PRKN: variants seen among roughly 807,000 people sequenced by gnomAD.
PRKN encodes E3 ubiquitin-protein ligase parkin.
PRKN carries 56 observed loss-of-function variants against 59.5 expected under a neutral mutation model. The observed-to-expected ratio is 0.94, with a 90% CI of 0.76 to 1.18. The LOEUF is 1.18. PRKN is among the 50% of genes most tolerant of loss of function. The pLI is 0.00. For synonymous variants in PRKN, 250 were observed against 222.1 expected (o/e 1.13, Z -1.12); for missense variants, 657 against 596.4 (o/e 1.10, Z -1.06).
At chr6:162,126,705 G>A (rs1781140939) in intron 4 of PRKN, among the ~76,000 whole-genome samples, 1 of 152,160 alleles carries the variant, frequency 6.6e-6, no homozygotes, top group South Asian at 2.1e-4. Flanking sequence ...TCCACCTTGA[G>A]TTAAAATTAG....
chr6:162,204,874 C>G (rs868158111), intron 3 of PRKN, among the ~76,000 whole-genome samples: 1 of 142,368 alleles, frequency 7.0e-6, no homozygotes, highest in South Asian at 2.3e-4. Flanking sequence ...TTTCTTTTTT[C>G]TTTTTTGAGA....
intron 1 of PRKN, among the ~76,000 whole-genome samples, chr6:162,519,629 TATAA>T (rs544562704): frequency 5.9e-5 from 9 of 152,144 alleles, no homozygotes; most frequent in Non-Finnish European, 1.2e-4. Flanking sequence ...GCCATGGAAT[TATAA>T]ATAAAGAGGC....
chr6:161,402,425 G>A lies in PRKN; in HGVS notation c.1084-15548C>T, dbSNP rs1046507140. ...TGTCCCAGGGCGGCTGAGATAATGC[G>A]CGGATCTCAGGTGAGTCGAGGAAAT... On this transcript the variant is annotated intron_variant, in intron 9 of 11. Transcript: ENST00000366898. The surrounding 1 kb of genome is among the most constrained non-coding windows in gnomAD (Gnocchi z 4.5). Among the ~76,000 whole-genome samples the A allele has an allele frequency of 1.3e-5, 2 of 152,102 alleles. No homozygotes were observed. The highest frequency in any genetic ancestry group is 2.9e-5 in the Non-Finnish European group (2 of 68,026).
At chr6:161,523,813 TTC>T (rs1453930809) in intron 9 of PRKN, among the ~76,000 whole-genome samples, 1 of 152,204 alleles carries the variant, frequency 6.6e-6, no homozygotes, top group Admixed American at 6.5e-5. Flanking sequence ...GTTACTGTTT[TTC>T]TTCTTCTTTT....
intron 5 of PRKN, among the ~76,000 whole-genome samples, chr6:162,037,925 C>T (rs901666887): frequency 2.0e-5 from 3 of 150,104 alleles, no homozygotes; most frequent in African/African-American, 7.4e-5. Flanking sequence ...GAAAATGCAA[C>T]ATTTATTATG....
In PRKN at chr6:162,262,712, T is replaced by A; in HGVS notation, c.225A>T (p.Arg75Ser). The A allele has an allele frequency of 6.2e-7, 1 of 1,611,700 alleles. No homozygotes were observed. The highest frequency in any genetic ancestry group is 1.1e-5 in the South Asian group (1 of 91,042). Residue 75 changes from arginine (R) to serine (S), a missense_variant, in exon 3 of 12, where the codon AGA (arginine) becomes AGT (serine). Arg to Ser is a moderately radical substitution (Grantham distance 110, BLOSUM62 -1). Coordinates refer to ENST00000366898, the MANE Select transcript of PRKN (RefSeq NM_004562.3). ...SIVHIVQRPW[R>S]KGQEMNATGG... Reference sequence around the variant, plus strand: ...CAGTTGCATTCATTTCTTGACCTTTTCTCCACGGTCTCTGCACAATGTGAA... The same window carrying A: ...CAGTTGCATTCATTTCTTGACCTTTACTCCACGGTCTCTGCACAATGTGAA...
intron 6 of PRKN, among the ~76,000 whole-genome samples, chr6:161,827,132 T>A (rs570832255): frequency 6.6e-6 from 1 of 152,276 alleles, no homozygotes; most frequent in South Asian, 2.1e-4. Context: ...AATTAACACA[T>A]CTTTCCACAT....
chr6:161,936,491 G>C (rs974274400), intron 6 of PRKN, among the ~76,000 whole-genome samples: 3 of 152,080 alleles, frequency 2.0e-5, no homozygotes, highest in African/African-American at 7.2e-5. Context: ...TTACAGGCGT[G>C]AGTCACCATG....
At chr6:161,817,910 C>T (rs776235254) in intron 6 of PRKN, among the ~76,000 whole-genome samples, 24 of 152,158 alleles carry the variant, frequency 1.6e-4, no homozygotes, top group Non-Finnish European at 2.6e-4. Context: ...CCCACCGTTG[C>T]TCCAAGGAGA....
At chr6:161,491,986 C>T (rs1386433111) in intron 9 of PRKN, among the ~76,000 whole-genome samples, 2 of 152,156 alleles carry the variant, frequency 1.3e-5, no homozygotes, top group East Asian at 3.9e-4. Flanking sequence ...AGGGTCAAAA[C>T]ATTACCTTCC....
At chr6:161,774,850 C>T (rs994299409) in intron 7 of PRKN, among the ~76,000 whole-genome samples, 1 of 152,134 alleles carries the variant, frequency 6.6e-6, no homozygotes, top group African/African-American at 2.4e-5. Flanking sequence ...TAAATCATTC[C>T]CAAAAATAAA....
intron 4 of PRKN, among the ~76,000 whole-genome samples, chr6:162,106,459 A>C (rs961697487): frequency 2.0e-5 from 3 of 152,028 alleles, no homozygotes; most frequent in African/African-American, 7.2e-5. Flanking sequence ...TCCATAATTA[A>C]AGATATTTTA....
intron 1 of PRKN, among the ~76,000 whole-genome samples, chr6:162,512,374 C>T (rs1777665801): frequency 6.6e-6 from 1 of 152,174 alleles, no homozygotes; most frequent in Non-Finnish European, 1.5e-5. Flanking sequence ...GCTTATGTTG[C>T]ACTGCTAACT....
intron 2 of PRKN, among the ~76,000 whole-genome samples, chr6:162,349,692 A>G (rs915018701): frequency 6.6e-6 from 1 of 152,198 alleles, no homozygotes; most frequent in African/African-American, 2.4e-5. Flanking sequence ...AGAGAAGTAA[A>G]CTTCCTTGCC....
intron 5 of PRKN, among the ~76,000 whole-genome samples, chr6:161,987,038 A>C (rs1781460276): frequency 1.3e-5 from 2 of 152,206 alleles, no homozygotes; most frequent in Admixed American, 1.3e-4. Context: ...GTAGAATTTA[A>C]AGCTTCTTTT....
At chr6:161,625,112 A>C (rs971034866) in intron 7 of PRKN, among the ~76,000 whole-genome samples, 2 of 152,248 alleles carry the variant, frequency 1.3e-5, no homozygotes, top group Non-Finnish European at 2.9e-5. Context: ...ACACATGCAC[A>C]TGTATGTTTA....
chr6:162,101,636 C>T (rs1281784338), intron 4 of PRKN, among the ~76,000 whole-genome samples: 1 of 151,798 alleles, frequency 6.6e-6, no homozygotes, highest in Admixed American at 6.6e-5. Flanking sequence ...CGTGCCACTG[C>T]ACTCCAGCCT....
intron 7 of PRKN, among the ~76,000 whole-genome samples, chr6:161,714,218 AAG>A (rs1490441690): frequency 2.6e-5 from 4 of 152,186 alleles, no homozygotes; most frequent in Non-Finnish European, 5.9e-5. Context: ...GAGGGGAAGA[AAG>A]AGAGCCCCAG....
intron 7 of PRKN, among the ~76,000 whole-genome samples, chr6:161,732,485 T>TGTGTGTGTGTGTGTGTG (rs113804410): frequency 5.5e-5 from 8 of 146,508 alleles, no homozygotes; most frequent in African/African-American, 2.0e-4. Flanking sequence ...TTTTTTTTTT[T>TGTGTGTGTGTGTGTGTG]TGTGTGTGTG....
Sources: allele counts gnomAD v4.1 joint callset (sites outside exome capture counted in the v4.1 genomes callset), GRCh38; gene constraint gnomAD v4.1.1; non-coding constraint Gnocchi (gnomAD v3.1); transcripts MANE v1.5; gene names NCBI Gene and HGNC (gene_info 2026-07-23, HGNC 2026-07-21).